The following TMOD4 variants were observed in gnomAD, a reference collection of about 807,000 sequenced individuals.
The protein encoded by TMOD4 is tropomodulin-4.
Under a neutral mutation model 45.4 loss-of-function variants are expected in TMOD4, and 34 were observed. The observed-to-expected ratio is 0.75, with a 90% confidence interval of 0.57 to 1.00. TMOD4 has a LOEUF of 1.00. TMOD4 is among the 50% of genes least tolerant of loss of function. The probability of loss-of-function intolerance (pLI) is 0.00; values close to 1 mark genes in which losing one functional copy is unlikely to be tolerated. For synonymous variants in TMOD4, 131 were observed against 153.9 expected, an observed-to-expected ratio of 0.85 and a Z score of 1.10; for missense variants, 399 against 437.5, an observed-to-expected ratio of 0.91 and a Z score of 0.78.
chr1:151,174,534 G>A lies in TMOD4; in HGVS notation c.137C>T (p.Pro46Leu). Residue 46 changes from proline (P) to leucine (L), a missense_variant, in exon 3 of 10, where the codon CCA becomes CTA. By Grantham distance (98) the Pro-to-Leu change is moderately conservative. Transcript: ENST00000295314. ...QEMDPENMLL[P>L]AGLRQRDQTK... ...CTGGTCACGTTGTCTTAGTCCAGCT[G>A]GCAGGAGCATGTTCTTAGGGATGAG... 2 of 1,613,994 alleles carry A rather than the reference G, an allele frequency of 1.2e-6. No individual in the cohort carries two copies. Among genetic ancestry groups the A allele is most frequent in the Non-Finnish European group, 1.7e-6 (2 of 1,180,020 alleles).
In TMOD4 at chr1:151,172,365, G is replaced by T. The variant is rs762702402; in HGVS notation, c.398-8C>A. 1 of 1,609,212 alleles carries T rather than the reference G, an allele frequency of 6.2e-7. No individual in the cohort carries two copies. Among genetic ancestry groups the T allele is most frequent in the South Asian group, 1.1e-5 (1 of 90,962 alleles). ...TGTACATGTCCAGAATTGCTGGAGA[G>T]GGTAAGAAGAGGAGTCACAGGGAAT... On this transcript the variant is annotated splice_polypyrimidine_tract_variant and splice_region_variant and intron_variant, in intron 4 of 9. Transcript: ENST00000295314.
intron 4 of TMOD4, among the ~76,000 whole-genome samples, chr1:151,173,230 A>G (rs1284283345): frequency 1.3e-5 from 2 of 152,036 alleles, no homozygotes; most frequent in Non-Finnish European, 2.9e-5. Flanking sequence ...AGGCCTCCCA[A>G]GTGCTGAGGT....
chr1:151,174,916 G>A lies in TMOD4; in HGVS notation c.-41C>T. On this transcript the variant is annotated splice_region_variant and 5_prime_UTR_variant, in exon 2 of 10. Coordinates refer to ENST00000295314, the MANE Select transcript of TMOD4 (RefSeq NM_013353.3). ...CTCCCCACTGTGTGGTACTCACAGA[G>A]CCTGGGCAACATGGGACAAAAGGAT... is the stretch of plus-strand genomic sequence containing the variant. 4 of 1,613,414 alleles carry A rather than the reference G, an allele frequency of 2.5e-6. No homozygotes were observed. Among genetic ancestry groups the A allele is most frequent in the Non-Finnish European group, 3.4e-6 (4 of 1,179,666 alleles).
At position 151,171,078 on chromosome 1, in the gene TMOD4, C is replaced by T. The variant is rs746766369; in HGVS notation, c.727-15G>A. 2 of 1,613,356 alleles carry T rather than the reference C, an allele frequency of 1.2e-6. No homozygotes were observed. Among genetic ancestry groups the T allele is most frequent in the African/African-American group, 2.7e-5 (2 of 74,858 alleles). On this transcript the variant is annotated splice_polypyrimidine_tract_variant and intron_variant, in intron 7 of 9. Transcript: ENST00000295314. Reference sequence around the variant, plus strand: ...TCAGCCACTGCCTGGGTAGTAGGGACTTGGGTTAGGATTAGGGAACAGTTT... The same window carrying T: ...TCAGCCACTGCCTGGGTAGTAGGGATTTGGGTTAGGATTAGGGAACAGTTT...
Position 151,171,083 on chromosome 1 carries a change from G to A in TMOD4, c.727-20C>T. 4 of 1,613,252 alleles carry A rather than the reference G, an allele frequency of 2.5e-6. No homozygotes were observed. The Middle Eastern group carries it at 5.0e-4, about 200-fold the overall frequency. Reference sequence around the variant, plus strand: ...CACTGCCTGGGTAGTAGGGACTTGGGTTAGGATTAGGGAACAGTTTCACAG... The same window carrying A: ...CACTGCCTGGGTAGTAGGGACTTGGATTAGGATTAGGGAACAGTTTCACAG... On this transcript the variant is annotated intron_variant, in intron 7 of 9. Transcript: ENST00000295314.
At chr1:151,170,401 A>C (rs1328223331) in intron 9 of TMOD4, 118 bp downstream of exon 9, 2 of 1,461,902 alleles carry the variant, frequency 1.4e-6, no homozygotes, top group African/African-American at 2.8e-5. Context: ...TGAAATTCTC[A>C]TATGAATAGC....
At chr1:151,174,082 G>A (rs997453930) in intron 3 of TMOD4, among the ~76,000 whole-genome samples, 22 of 152,144 alleles carry the variant, frequency 1.4e-4, no homozygotes, top group Admixed American at 1.3e-3. Context: ...CGGGCGTGGT[G>A]GTGGGCGCCT....
chr1:151,173,607 A>AG lies in TMOD4; in HGVS notation c.288dup (p.Tyr97LeufsTer19). The stretch of plus-strand genomic sequence containing the variant: ...GGGATTTCCCTCTTGGGCTGAATAT[A>AG]GGGTTTCCCTGATGGGGAGATGAAG... On this transcript the variant is annotated frameshift_variant, in exon 4 of 10. Coordinates refer to ENST00000295314, the MANE Select transcript of TMOD4 (RefSeq NM_013353.3). LOFTEE classifies it high-confidence loss of function. The AG allele has an allele frequency of 6.2e-7, 1 of 1,613,820 alleles. No homozygotes were observed. The highest frequency in any genetic ancestry group is 8.5e-7 in the Non-Finnish European group (1 of 1,179,738).
chr1:151,170,245 A>G, intron 9 of TMOD4, 142 bp from the exon 10 acceptor site: 1 of 970,734 alleles, frequency 1.0e-6, no homozygotes, highest in South Asian at 1.6e-5. Context: ...CCACATTAAC[A>G]AAACAAAACA....
In TMOD4 at chr1:151,170,540, T is replaced by C. The variant is rs143662204; in HGVS notation, c.994A>G (p.Met332Val). The C allele has an allele frequency of 7.6e-3, 12,222 of 1,614,228 alleles. 61 individuals carry two copies. Among genetic ancestry groups the C allele is most frequent in the Non-Finnish European group, 9.5e-3 (11,152 of 1,180,042 alleles). The change falls in exon 9 of 10, where the codon ATG (methionine) becomes GTG (valine). Residue 332 changes from methionine (M) to valine (V), a missense_variant. Met to Val is a conservative substitution (Grantham distance 21). Coordinates refer to ENST00000295314, the MANE Select transcript of TMOD4 (RefSeq NM_013353.3). Reference sequence around the variant, plus strand: ...TCACGTAGTTCATTGTTTCGGGTCATGGCCTGGGCTGCCCGAGCTCGTGGC... The same window carrying C: ...TCACGTAGTTCATTGTTTCGGGTCACGGCCTGGGCTGCCCGAGCTCGTGGC... ...QGPRARAAQA[M>V]TRNNELRRQQ...
rs766196791 is a variant in TMOD4, at chr1:151,171,013, G to A, written c.777C>T (p.Ile259=). The change falls in exon 8 of 10, where the codon ATC becomes ATT. Residue 259 remains isoleucine (I), a synonymous_variant. Transcript: ENST00000295314. ...CTGTGCTGCTAATGAAGTTGGATTC[G>A]ATGTTTAGGCTCTGGAGGCTACGAT... The part of the protein sequence containing the change: ...RENRSLQSLN[I]ESNFISSTGL... 3.0e-5 allele frequency: 48 copies of A among 1,614,026 alleles called. No individual in the cohort carries two copies. The Admixed American group carries it at 7.3e-4, about 25-fold the overall frequency.
chr1:151,172,690 T>A (rs1448295831), intron 4 of TMOD4, among the ~76,000 whole-genome samples: 2 of 152,108 alleles, frequency 1.3e-5, no homozygotes, highest in Non-Finnish European at 2.9e-5. Flanking sequence ...TGGAGTGCAG[T>A]GGTGCGATCT....
chr1:151,171,875 C>T (rs1683971580), intron 5 of TMOD4, 112 bp from the exon 6 acceptor site: 1 of 1,373,086 alleles, frequency 7.3e-7, no homozygotes, highest in Non-Finnish European at 9.6e-7. Context: ...TCGCTCTATC[C>T]ACCTAGGCTG....
chr1:151,175,131 G>A, intron 1 of TMOD4: 1 of 448,370 alleles, frequency 2.2e-6, no homozygotes, highest in Non-Finnish European at 4.1e-6. Flanking sequence ...TCTGGATGGG[G>A]ATCCCAGACA....
chr1:151,174,672 C>G, intron 2 of TMOD4, 81 bp downstream of exon 2: 1 of 1,605,156 alleles, frequency 6.2e-7, no homozygotes, highest in Non-Finnish European at 8.5e-7. Flanking sequence ...CTGTAGCAAA[C>G]CCTATTCTCA....
At chr1:151,173,641 A>G in intron 3 of TMOD4, 26 bp from the exon 4 acceptor site, 1 of 1,569,314 alleles carries the variant, frequency 6.4e-7, no homozygotes, top group East Asian at 2.2e-5. Context: ...AGGATGGCTC[A>G]GGTAGAGGTA....
chr1:151,170,357 GT>G (rs1683908412), intron 9 of TMOD4, 161 bp downstream of exon 9: 1 of 1,162,472 alleles, frequency 8.6e-7, no homozygotes, highest in East Asian at 2.4e-5. Context: ...GGCAGGGGGA[GT>G]TTTCTGTTTA....
intron 3 of TMOD4, 136 bp downstream of exon 3, chr1:151,174,255 C>T (rs940514895): frequency 1.2e-4 from 107 of 884,122 alleles, no homozygotes; most frequent in Non-Finnish European, 1.2e-4. Context: ...AGTGCAAGCT[C>T]GCATTTAAGT....
chr1:151,170,195 C>T, intron 9 of TMOD4, 92 bp from the exon 10 acceptor site: 1 of 1,504,686 alleles, frequency 6.6e-7, no homozygotes, highest in Non-Finnish European at 9.2e-7. Context: ...TAGCCAAACT[C>T]ATAAATTGGT....
Sources: allele counts gnomAD v4.1 joint callset (sites outside exome capture counted in the v4.1 genomes callset), GRCh38; gene constraint gnomAD v4.1.1; transcripts MANE v1.5; gene names NCBI Gene and HGNC (gene_info 2026-07-23, HGNC 2026-07-21).